MATN2: variants seen among roughly 807,000 people sequenced by gnomAD.
MATN2 encodes the protein matrilin-2.
A neutral mutation model predicts 103.2 loss-of-function variants in MATN2; 69 were observed. The ratio of observed to expected loss-of-function variants is 0.67; its 90% CI spans 0.55 to 0.82. MATN2 has a LOEUF of 0.82. MATN2 is among the 40% of genes least tolerant of loss of function. MATN2 has a pLI of 0.00. For synonymous variants in MATN2, 429 were observed against 450.2 expected (o/e 0.95, Z 0.60); for missense variants, 1,023 against 1,211.5 (o/e 0.84, Z 2.31).
At position 97,931,273 on chromosome 8, in the gene MATN2, C is replaced by T. The variant is rs898549170; in HGVS notation, c.463C>T (p.Arg155Trp). 1.1e-5 allele frequency: 17 copies of T among 1,613,792 alleles called. No individual in the cohort carries two copies. The highest frequency in any genetic ancestry group is 4.0e-5 in the African/African-American group (3 of 74,928). Residue 155 changes from arginine (R) to tryptophan (W), a missense_variant, in exon 3 of 19, where the codon CGG (arginine) becomes TGG (tryptophan). By Grantham distance (101) the Arg-to-Trp change is moderately radical. Transcript: ENST00000254898. This position sits in a 1 kb window ranked among gnomAD's most constrained non-coding sequence, Gnocchi z 4.1. ...NIAFSEAEGARPLRENVPRVI... is the reference protein window; with the variant it reads ...NIAFSEAEGAWPLRENVPRVI... Reference sequence around the variant, plus strand: ...CGCATTCTCAGAAGCAGAGGGGGCCCGGCCCCTGAGGGAGAATGTGCCACG... The same window carrying T: ...CGCATTCTCAGAAGCAGAGGGGGCCTGGCCCCTGAGGGAGAATGTGCCACG...
At chr8:97,881,602 C>T (rs1413754884) in intron 1 of MATN2, among the ~76,000 whole-genome samples, 3 of 152,162 alleles carry the variant, frequency 2.0e-5, no homozygotes, top group South Asian at 2.1e-4. Context: ...GGAATCTGTT[C>T]GGACTGAATT....
At chr8:97,877,474 T>G (rs951173671) in intron 1 of MATN2, among the ~76,000 whole-genome samples, 1 of 150,854 alleles carries the variant, frequency 6.6e-6, no homozygotes, top group Non-Finnish European at 1.5e-5. Context: ...TGAAACTCAG[T>G]CTCAAAAAAA....
At chr8:97,923,004 T>A (rs879607614) in intron 2 of MATN2, among the ~76,000 whole-genome samples, 2 of 152,234 alleles carry the variant, frequency 1.3e-5, no homozygotes, top group Admixed American at 6.5e-5. Flanking sequence ...ACCTAATTGT[T>A]CTGCATGCAG....
At chr8:97,917,844 G>C (rs1023366090) in intron 2 of MATN2, among the ~76,000 whole-genome samples, 1 of 152,148 alleles carries the variant, frequency 6.6e-6, no homozygotes, top group African/African-American at 2.4e-5. Context: ...CAGCACTTTG[G>C]GAGACTGAAG....
intron 4 of MATN2, among the ~76,000 whole-genome samples, chr8:97,947,239 G>A (rs1440230525): frequency 6.6e-6 from 1 of 152,164 alleles, no homozygotes; most frequent in Non-Finnish European, 1.5e-5. Context: ...TGGTGTGGTG[G>A]TGCATGCCTG....
In MATN2 at chr8:98,032,953, A is replaced by G. The variant is rs530974811; in HGVS notation, c.2582-89A>G. ...AAAGTAAAGCTCTGTACCAAGTGCT[A>G]GGAATACCAAGTACCTTACTCTGCT... On this transcript the variant is annotated intron_variant, in intron 16 of 18. Transcript: ENST00000254898. 3.6e-5 allele frequency: 46 copies of G among 1,281,222 alleles called. No homozygotes were observed. The African/African-American group carries it at 6.4e-4, about 18-fold the overall frequency. The allele number at this position is 1,281,222 out of a possible 1,614,324, so 79.4% of individuals were successfully genotyped here.
chr8:97,941,184 A>G, intron 3 of MATN2, among the ~76,000 whole-genome samples: 1 of 52,870 alleles, frequency 1.9e-5, no homozygotes, highest in African/African-American at 8.4e-5. Flanking sequence ...AAAAAAAAAA[A>G]AGAAAGAAAG....
intron 2 of MATN2, among the ~76,000 whole-genome samples, chr8:97,903,496 CA>C (rs1056725902): frequency 6.6e-6 from 1 of 152,058 alleles, no homozygotes; most frequent in Non-Finnish European, 1.5e-5. Flanking sequence ...AGACACTTAG[CA>C]AATATTTGCT....
intron 2 of MATN2, among the ~76,000 whole-genome samples, chr8:97,912,200 G>C (rs995019679): frequency 6.6e-6 from 1 of 152,130 alleles, no homozygotes; most frequent in Non-Finnish European, 1.5e-5. Context: ...TTCTATTATC[G>C]GGTCTTGAAT....
intron 1 of MATN2, among the ~76,000 whole-genome samples, chr8:97,886,904 C>CT (rs1225564343): frequency 1.1e-3 from 156 of 143,914 alleles, no homozygotes; most frequent in Middle Eastern, 7.1e-3. Context: ...TTTGTTTTAC[C>CT]TTTTTTTTTT....
intron 6 of MATN2, among the ~76,000 whole-genome samples, chr8:97,981,312 C>A (rs1812013765): frequency 6.6e-6 from 1 of 152,046 alleles, no homozygotes; most frequent in South Asian, 2.1e-4. Flanking sequence ...AATCCTAGCT[C>A]ATTGCAGCTT....
chr8:97,908,717 C>T (rs975088996), intron 2 of MATN2, among the ~76,000 whole-genome samples: 1 of 152,054 alleles, frequency 6.6e-6, no homozygotes, highest in East Asian at 1.9e-4. Context: ...CTGCAACCTC[C>T]GCCTCCTGGT....
chr8:97,994,494 G>A lies in MATN2; in HGVS notation c.1096G>A (p.Ala366Thr). The A allele has an allele frequency of 1.2e-6, 2 of 1,612,192 alleles. No homozygotes were observed. Among genetic ancestry groups the A allele is most frequent in the South Asian group, 1.1e-5 (1 of 90,588 alleles). ...CTTCTTGCCAGAGATAGACTACTGT[G>A]CCTCATCTAATCACGGATGTCAGCA... ...KKTCTKIDYCASSNHGCQHEC... is the reference protein window; with the variant it reads ...KKTCTKIDYCTSSNHGCQHEC... The change falls in exon 7 of 19, where the codon GCC (alanine) becomes ACC (threonine). Residue 366 changes from alanine (A) to threonine (T), a missense_variant. By Grantham distance (58) the Ala-to-Thr change is moderately conservative (BLOSUM62 0). Transcript: ENST00000254898.
rs115917240 is a variant in MATN2, at chr8:98,035,523, T to C, written c.2816-134T>C. On this transcript the variant is annotated intron_variant, in intron 18 of 18. Coordinates refer to ENST00000254898, the MANE Select transcript of MATN2 (RefSeq NM_002380.5). ...AAATTTACAAGTCAGGGTTTTAACA[T>C]ACTTGACAGAAATGGGAAAAAAAAC... 4.4e-3 allele frequency: 2,446 copies of C among 553,806 alleles called. 37 individuals carry two copies. Among genetic ancestry groups the C allele is most frequent in the African/African-American group, 0.04 (2,083 of 52,520 alleles). 34.3% of individuals were successfully genotyped at this position (553,806 alleles called of 1,614,324 possible). A position where few individuals can be genotyped will look rare whatever the true frequency, so the allele number is the denominator to read the frequency against.
intron 2 of MATN2, among the ~76,000 whole-genome samples, chr8:97,921,920 G>A (rs1563668583): frequency 6.6e-6 from 1 of 152,230 alleles, no homozygotes; most frequent in Non-Finnish European, 1.5e-5. Context: ...AGGCCGCACA[G>A]CAGGAAATGA....
chr8:97,918,105 T>G (rs925289891), intron 2 of MATN2, among the ~76,000 whole-genome samples: 1 of 152,106 alleles, frequency 6.6e-6, no homozygotes, highest in African/African-American at 2.4e-5. Context: ...AGGAAAAAGT[T>G]TTTAGAAAGT....
chr8:97,915,492 G>A (rs1421181412), intron 2 of MATN2, among the ~76,000 whole-genome samples: 1 of 152,194 alleles, frequency 6.6e-6, no homozygotes, highest in Admixed American at 6.5e-5. Context: ...CTGGCACAGG[G>A]CTGTGGAACC....
chr8:97,986,028 G>A (rs1024185914), intron 6 of MATN2, among the ~76,000 whole-genome samples: 10 of 152,214 alleles, frequency 6.6e-5, no homozygotes, highest in Admixed American at 2.6e-4. Context: ...TTTAATGTCT[G>A]TGTAAAATTC....
intron 3 of MATN2, 102 bp from the exon 4 acceptor site, chr8:97,941,675 C>A: frequency 1.5e-6 from 2 of 1,338,076 alleles, no homozygotes; most frequent in Non-Finnish European, 2.1e-6. Flanking sequence ...TCTCTGAGTC[C>A]TGCCCAGAGG....
Sources: gnomAD v4.1 joint callset for allele counts (sites outside exome capture counted in the v4.1 genomes callset) on GRCh38, gnomAD v4.1.1 for gene constraint, Gnocchi (gnomAD v3.1) non-coding constraint, MANE v1.5 for transcripts, NCBI Gene and HGNC (gene_info 2026-07-23, HGNC 2026-07-21) for gene names.